Variants in FRMPD3 observed in about 807,000 individuals in gnomAD.
FRMPD3 encodes the protein FERM and PDZ domain containing 3, also known as FERM and PDZ domain-containing protein 3.
In FRMPD3, 42 loss-of-function variants were observed where a neutral mutation model predicts 97.9. That is an observed-to-expected ratio of 0.43 (90% CI 0.34 to 0.55). The LOEUF (loss-of-function observed/expected upper bound fraction) is 0.55, where lower values mean the gene tolerates loss of function less well. Ranked by LOEUF, FRMPD3 falls within the 20% of genes least tolerant of loss-of-function variation. The probability of loss-of-function intolerance (pLI) is 0.03; values close to 1 mark genes in which losing one functional copy is unlikely to be tolerated. For missense variants in FRMPD3, 1,303 were observed against 1,457.7 expected, an observed-to-expected ratio of 0.89 and a Z score of 1.73; for synonymous variants, 577 against 581.1, an observed-to-expected ratio of 0.99 and a Z score of 0.10.
At chrX:107,485,458 G>A (rs1303608064) in intron 1 of FRMPD3, among the ~76,000 whole-genome samples, 2 of 112,877 alleles carry the variant, frequency 1.8e-5, no homozygotes, top group Non-Finnish European at 3.7e-5. Flanking sequence ...CTATTCAGAT[G>A]TAGCAACAGT....
chrX:107,452,695 T>C (rs1931310280), intron 1 of FRMPD3, among the ~76,000 whole-genome samples: 1 of 111,899 alleles, frequency 8.9e-6, no homozygotes, highest in Admixed American at 9.4e-5. Flanking sequence ...TGGGGACTCC[T>C]ATGAGGCTGC....
intron 13 of FRMPD3, among the ~76,000 whole-genome samples, chrX:107,591,592 G>A (rs1242966132): frequency 8.9e-6 from 1 of 112,048 alleles, no homozygotes. Flanking sequence ...CCTGATTTTA[G>A]TAATTTGAGT....
At chrX:107,568,445 C>T (rs748041795) in intron 12 of FRMPD3, among the ~76,000 whole-genome samples, 27 of 92,542 alleles carry the variant, frequency 2.9e-4, no homozygotes, top group Non-Finnish European at 3.2e-4. Context: ...CACAGTCGCT[C>T]ATGCCTGTAA....
At chrX:107,465,169 C>T (rs1032769703) in intron 1 of FRMPD3, among the ~76,000 whole-genome samples, 4 of 111,204 alleles carry the variant, frequency 3.6e-5, no homozygotes, top group Non-Finnish European at 7.5e-5. Context: ...AGTGTATCAA[C>T]GTGAGAAATA....
chrX:107,454,968 T>A (rs1931351721), intron 1 of FRMPD3, among the ~76,000 whole-genome samples: 1 of 111,904 alleles, frequency 8.9e-6, no homozygotes, highest in Admixed American at 9.5e-5. Flanking sequence ...GTGATTTTGA[T>A]ACACTTGATC....
intron 6 of FRMPD3, among the ~76,000 whole-genome samples, chrX:107,552,226 G>A (rs911104410): frequency 1.8e-5 from 2 of 112,326 alleles, no homozygotes; most frequent in Admixed American, 9.4e-5. Flanking sequence ...TACATTTTTC[G>A]AGTTGCTAAA....
At chrX:107,572,908 CTAATAA>C (rs374047113) in intron 12 of FRMPD3, among the ~76,000 whole-genome samples, 1 of 101,003 alleles carries the variant, frequency 9.9e-6, no homozygotes, top group Non-Finnish European at 2.0e-5. Context: ...ACTACTACTA[CTAATAA>C]TAATAATAAT....
chrX:107,603,247 ACAGCAGCAG>A lies in FRMPD3; in HGVS notation c.5221_5229del (p.Gln1741_Gln1743del). ...AACAACAACAGCAGCAGCAACAACA[ACAGCAGCAG>A]CAGCAGCAGCAGGTGGCAGCAGCTG... is the stretch of plus-strand genomic sequence containing the variant. On this transcript the variant is annotated inframe_deletion, in exon 15 of 15. Transcript: ENST00000683843. 1 of 1,123,410 alleles carries A rather than the reference ACAGCAGCAG, an allele frequency of 8.9e-7. No individual in the cohort carries two copies. The highest frequency in any genetic ancestry group is 1.2e-6 in the Non-Finnish European group (1 of 849,884). The allele number at this position is 1,123,410 out of a possible 1,213,427, so 92.6% of individuals were successfully genotyped here. A position where few individuals can be genotyped will look rare whatever the true frequency, so the allele number is the denominator to read the frequency against.
chrX:107,523,817 TC>T (rs1302794775), intron 1 of FRMPD3, among the ~76,000 whole-genome samples: 1 of 112,262 alleles, frequency 8.9e-6, no homozygotes, highest in Admixed American at 9.5e-5. Context: ...TTCCTCTGGC[TC>T]CAGGAGTGCC....
At chrX:107,482,200 C>T (rs950770544) in intron 1 of FRMPD3, among the ~76,000 whole-genome samples, 21 of 111,484 alleles carry the variant, frequency 1.9e-4, no homozygotes, top group African/African-American at 4.9e-4. Flanking sequence ...CCGGTCTTCC[C>T]ACAGCAAGGT....
chrX:107,490,463 C>G (rs1470037405), intron 1 of FRMPD3, among the ~76,000 whole-genome samples: 1 of 111,889 alleles, frequency 8.9e-6, no homozygotes, highest in African/African-American at 3.3e-5. Flanking sequence ...TTCTTCCTAC[C>G]CATGAGCATG....
chrX:107,484,840 A>G (rs1203257542), intron 1 of FRMPD3, among the ~76,000 whole-genome samples: 1 of 112,169 alleles, frequency 8.9e-6, no homozygotes, highest in Non-Finnish European at 1.9e-5. Context: ...GAGTCCAGCA[A>G]TAGTCTCTGC....
intron 1 of FRMPD3, among the ~76,000 whole-genome samples, chrX:107,515,150 A>C (rs1273525301): frequency 9.0e-6 from 1 of 111,461 alleles, no homozygotes; most frequent in Non-Finnish European, 1.9e-5. Context: ...AGTTGTCTGA[A>C]TATAGATTGT....
At chrX:107,583,136 T>C (rs1050133773) in intron 13 of FRMPD3, among the ~76,000 whole-genome samples, 1 of 108,991 alleles carries the variant, frequency 9.2e-6, no homozygotes, top group African/African-American at 3.4e-5. Context: ...TTACTTTAAG[T>C]TCCGGGATAC....
At chrX:107,460,296 A>G (rs940665735) in intron 1 of FRMPD3, among the ~76,000 whole-genome samples, 1 of 111,582 alleles carries the variant, frequency 9.0e-6, no homozygotes, top group Admixed American at 9.5e-5. Flanking sequence ...AAGTTTTGTC[A>G]TTGGTTTATA....
rs1208535846 is a variant in FRMPD3, at chrX:107,554,391, C to G, written c.649C>G (p.Gln217Glu). 2.6e-5 allele frequency: 32 copies of G among 1,208,338 alleles called. No homozygotes were observed. The highest frequency in any genetic ancestry group is 3.6e-5 in the Non-Finnish European group (32 of 894,068). The change falls in exon 8 of 15, where the codon CAG (glutamine) becomes GAG (glutamate). Residue 217 changes from glutamine (Q) to glutamate (E), a missense_variant. Coordinates refer to ENST00000683843, the MANE Select transcript of FRMPD3 (RefSeq NM_001388459.1). ...TTTCATCCCTGGAATTCAGGTGGTA[C>G]AGCGGACACACTATCATGGAATGAA... ...QDKQPLAYVVQRTHYHGMKCL... is the reference protein window; with the variant it reads ...QDKQPLAYVVERTHYHGMKCL...
intron 4 of FRMPD3, among the ~76,000 whole-genome samples, chrX:107,535,365 A>G (rs1272830069): frequency 9.0e-6 from 1 of 111,663 alleles, no homozygotes; most frequent in Non-Finnish European, 1.9e-5. Context: ...CAGTGGTTAT[A>G]TCTTACATAA....
intron 1 of FRMPD3, among the ~76,000 whole-genome samples, chrX:107,479,560 T>C (rs1921286199): frequency 9.0e-6 from 1 of 111,298 alleles, no homozygotes; most frequent in Non-Finnish European, 1.9e-5. Flanking sequence ...TGTAGGAATG[T>C]TCTAATTTTT....
chrX:107,543,172 G>A (rs1326066478), intron 4 of FRMPD3, among the ~76,000 whole-genome samples: 1 of 111,342 alleles, frequency 9.0e-6, no homozygotes, highest in African/African-American at 3.3e-5. Flanking sequence ...TTTCCACACA[G>A]CAACCAGAGG....
Sources: gnomAD v4.1 joint callset for allele counts (sites outside exome capture counted in the v4.1 genomes callset) on GRCh38, gnomAD v4.1.1 for gene constraint, MANE v1.5 for transcripts, NCBI Gene and HGNC (gene_info 2026-07-23, HGNC 2026-07-21) for gene names.